Variants in ABCC2 observed in about 807,000 individuals in gnomAD.
ABCC2 encodes the protein ATP-binding cassette sub-family C member 2.
Under a neutral mutation model 173.4 loss-of-function variants are expected in ABCC2, and 157 were observed. The observed-to-expected ratio is 0.91, with a 90% CI of 0.80 to 1.03. The LOEUF (loss-of-function observed/expected upper bound fraction) is 1.03. Ranked by LOEUF, ABCC2 falls within the 50% of genes least tolerant of loss-of-function variation. The pLI, the probability that ABCC2 is intolerant of heterozygous loss-of-function variation, is 0.00. For synonymous variants in ABCC2, 657 were observed against 693.5 expected (o/e 0.95, Z 0.83); for missense variants, 1,822 against 1,852.3 (o/e 0.98, Z 0.30).
At chr10:99,824,573 C>T (rs1272359038) in intron 19 of ABCC2, among the ~76,000 whole-genome samples, 1 of 150,648 alleles carries the variant, frequency 6.6e-6, no homozygotes, top group Non-Finnish European at 1.5e-5. Flanking sequence ...CCTGAGGTAA[C>T]ACTTTCCACT....
rs372589136 is a variant in ABCC2, at chr10:99,804,199, T to A, written c.1390T>A (p.Leu464Ile). ...ATGGAGAGAGTTGGGACCCTCAGTC[T>A]TAGCAGGTGTTGGGGTGATGGTGCT... Reference protein sequence around the residue: ...FLWRELGPSVLAGVGVMVLVI... With the variant: ...FLWRELGPSVIAGVGVMVLVI... The change falls in exon 10 of 32, where the codon TTA (leucine) becomes ATA (isoleucine). Residue 464 changes from leucine (L) to isoleucine (I), a missense_variant. Coordinates refer to ENST00000647814, the MANE Select transcript of ABCC2 (RefSeq NM_000392.5). 6.2e-7 allele frequency: 1 copy of A among 1,614,042 alleles called. No homozygotes were observed. Among genetic ancestry groups the A allele is most frequent in the African/African-American group, 1.3e-5 (1 of 74,924 alleles).
Position 99,799,201 on chromosome 10 carries a change from AC to A in ABCC2, c.868-4del. On this transcript the variant is annotated splice_region_variant and splice_polypyrimidine_tract_variant and intron_variant, in intron 7 of 31. Coordinates refer to ENST00000647814, the MANE Select transcript of ABCC2 (RefSeq NM_000392.5). Reference sequence around the variant, plus strand: ...TGTGGACACTGTTGTTTGGTTTTGTACCTAGGAAGATGTTGAAAAGAAAAAA... The same window carrying A: ...TGTGGACACTGTTGTTTGGTTTTGTACTAGGAAGATGTTGAAAAGAAAAAA... The A allele has an allele frequency of 6.2e-7, 1 of 1,613,894 alleles. No individual in the cohort carries two copies.
intron 10 of ABCC2, 44 bp downstream of exon 10, chr10:99,804,317 T>C (rs1245846446): frequency 5.6e-6 from 9 of 1,611,950 alleles, no homozygotes; most frequent in Admixed American, 3.3e-5. Flanking sequence ...TTCTTTAAAG[T>C]GTAAACCCTT....
Position 99,844,405 on chromosome 10 carries a change from C to T in ABCC2, c.3927C>T (p.Tyr1309=), listed in dbSNP as rs4148401. 113 of 1,614,090 alleles carry T rather than the reference C, an allele frequency of 7.0e-5. 1 individual carries two copies. The East Asian group carries it at 1.8e-3, about 26-fold the overall frequency. The change falls in exon 28 of 32, where the codon TAC becomes TAT. Residue 1309 remains tyrosine, a synonymous_variant. Transcript: ENST00000647814. ...AGTTTAACAACTACCAAGTGCGGTA[C>T]CGACCTGAGCTGGATCTGGTCCTCA... ...KIQFNNYQVR[Y]RPELDLVLRG... is the part of the protein sequence containing the mutation.
chr10:99,841,573 A>C (rs914407963), intron 25 of ABCC2, among the ~76,000 whole-genome samples: 3 of 152,138 alleles, frequency 2.0e-5, no homozygotes, highest in Non-Finnish European at 4.4e-5. Flanking sequence ...AAAACAAAAA[A>C]AAATGCAGAT....
At chr10:99,793,473 T>C in intron 3 of ABCC2, 78 bp from the exon 4 acceptor site, 1 of 1,594,142 alleles carries the variant, frequency 6.3e-7, no homozygotes, top group East Asian at 2.2e-5. Context: ...TTTCTTCCCA[T>C]GTTCTCTGAC....
intron 16 of ABCC2, among the ~76,000 whole-genome samples, chr10:99,814,949 G>T (rs908847748): frequency 6.6e-6 from 1 of 151,198 alleles, no homozygotes; most frequent in African/African-American, 2.4e-5. Context: ...GATTACAGGT[G>T]TGTGCCACCA....
rs1340336807 is a variant in ABCC2 at position 99,811,607 on chromosome 10, G to A, written c.1967+5G>A. ...TTCGGAAGCCACAGTCCGAGAGTGAGTTGCCTTCTTTCCATCCTAATGTTC... is the reference window on the plus strand; with the variant it reads ...TTCGGAAGCCACAGTCCGAGAGTGAATTGCCTTCTTTCCATCCTAATGTTC... On this transcript the variant is annotated splice_donor_5th_base_variant and intron_variant, in intron 15 of 31. Coordinates refer to ENST00000647814, the MANE Select transcript of ABCC2 (RefSeq NM_000392.5). The A allele has an allele frequency of 6.2e-7, 1 of 1,614,084 alleles. No homozygotes were observed. Among genetic ancestry groups the A allele is most frequent in the Non-Finnish European group, 8.5e-7 (1 of 1,179,978 alleles).
chr10:99,819,231 C>T lies in ABCC2; in HGVS notation c.2582C>T (p.Thr861Ile), dbSNP rs762946078. The change falls in exon 19 of 32, where the codon ACA (threonine) becomes ATA (isoleucine). Residue 861 changes from threonine (T) to isoleucine (I), a missense_variant. Thr to Ile is a moderately conservative substitution (Grantham distance 89). Transcript: ENST00000647814. ...KKGEFAKNLK[T>I]FLRHTGPEEE... ...GGAGAGTTTGCTAAGAATCTGAAGACATTTCTAAGACATACAGGCCCTGAA... is the reference window on the plus strand; with the variant it reads ...GGAGAGTTTGCTAAGAATCTGAAGATATTTCTAAGACATACAGGCCCTGAA... The T allele has an allele frequency of 6.2e-7, 1 of 1,614,048 alleles. No individual in the cohort carries two copies. Among genetic ancestry groups the T allele is most frequent in the Non-Finnish European group, 8.5e-7 (1 of 1,180,018 alleles).
At chr10:99,802,429 G>A (rs924753765) in intron 9 of ABCC2, among the ~76,000 whole-genome samples, 10 of 151,840 alleles carry the variant, frequency 6.6e-5, no homozygotes, top group Admixed American at 6.6e-4. Flanking sequence ...AGGGCTACTG[G>A]GACTGTATTT....
Position 99,810,208 on chromosome 10 carries a change from CT to C in ABCC2, c.1891del (p.Cys631AlafsTer27), listed in dbSNP as rs1280917011. On this transcript the variant is annotated frameshift_variant, in exon 14 of 32. Coordinates refer to ENST00000647814, the MANE Select transcript of ABCC2 (RefSeq NM_000392.5). LOFTEE classifies it high-confidence loss of function. ...TGGACACATCTGCCATTCGACATGA[CT>C]GCAATTTTGGTAAATAAATTTGGAA... ...DLDTSAIRHD[C>X]NFDKAMQFSE... 9 of 1,613,336 alleles carry C rather than the reference CT, an allele frequency of 5.6e-6. No homozygotes were observed. The South Asian group carries it at 9.9e-5, about 18-fold the overall frequency.
At chr10:99,844,281 C>A in intron 27 of ABCC2, 41 bp from the exon 28 acceptor site, 1 of 1,612,970 alleles carries the variant, frequency 6.2e-7, no homozygotes. Flanking sequence ...GGCTGAGTTG[C>A]CACCTTATAA....
chr10:99,851,862 C>T lies in ABCC2; in HGVS notation c.*231C>T. 1 of 438,366 alleles carries T rather than the reference C, an allele frequency of 2.3e-6. No homozygotes were observed. Among genetic ancestry groups the T allele is most frequent in the Non-Finnish European group, 4.0e-6 (1 of 249,456 alleles). The allele number at this position is 438,366 out of a possible 1,614,324, so 27.2% of individuals were successfully genotyped here. On this transcript the variant is annotated 3_prime_UTR_variant, in exon 32 of 32. Transcript: ENST00000647814. Reference sequence around the variant, plus strand: ...GTACTTCCTTGCTACCCACCCCTCCCAGGGACAACCACTGTCCTGAATTTC... The same window carrying T: ...GTACTTCCTTGCTACCCACCCCTCCTAGGGACAACCACTGTCCTGAATTTC...
chr10:99,792,364 G>A lies in ABCC2; in HGVS notation c.333+5G>A, dbSNP rs747021394. The A allele has an allele frequency of 3.9e-5, 63 of 1,613,746 alleles. No homozygotes were observed. The highest frequency in any genetic ancestry group is 2.5e-6 in the Non-Finnish European group (3 of 1,179,854). On this transcript the variant is annotated splice_donor_5th_base_variant and intron_variant, in intron 3 of 31. Transcript: ENST00000647814. ...AGCCTCTACCTAGGCACATGGGTAA[G>A]ACCTATACCACTTCTGCCCTGTTTA...
At chr10:99,820,942 G>A (rs1022506084) in intron 19 of ABCC2, among the ~76,000 whole-genome samples, 1 of 152,188 alleles carries the variant, frequency 6.6e-6, no homozygotes, top group Non-Finnish European at 1.5e-5. Context: ...CCAGCGTTTA[G>A]CATATGGAGG....
At chr10:99,783,406 CACCACTTAG>C (rs1275727783) in intron 1 of ABCC2, among the ~76,000 whole-genome samples, 1 of 152,112 alleles carries the variant, frequency 6.6e-6, no homozygotes, top group Non-Finnish European at 1.5e-5. Context: ...AAAGAAGAGA[CACCACTTAG>C]AGGGTGAACA....
intron 16 of ABCC2, among the ~76,000 whole-genome samples, chr10:99,814,660 T>TACACATATACACACAC (rs1564685812): frequency 5.2e-5 from 7 of 133,350 alleles, no homozygotes; most frequent in African/African-American, 8.7e-5. Flanking sequence ...CACACACATA[T>TACACATATACACACAC]GTGTATATAC....
intron 11 of ABCC2, 49 bp from the exon 12 acceptor site, chr10:99,807,335 G>T: frequency 6.2e-7 from 1 of 1,612,866 alleles, no homozygotes; most frequent in Non-Finnish European, 8.5e-7. Flanking sequence ...TACACCTGGT[G>T]CCCTTTCAGG....
chr10:99,825,017 C>A (rs199566581), intron 19 of ABCC2, among the ~76,000 whole-genome samples: 48,467 of 89,018 alleles, frequency 0.54, 12,800 homozygotes, highest in East Asian at 0.68. Flanking sequence ...CTGCCCCTAA[C>A]AAGGATACCC....
Sources: gnomAD v4.1 joint callset for allele counts (sites outside exome capture counted in the v4.1 genomes callset) on GRCh38, gnomAD v4.1.1 for gene constraint, MANE v1.5 for transcripts, NCBI Gene and HGNC (gene_info 2026-07-23, HGNC 2026-07-21) for gene names.